Variants in POP1 observed in about 807,000 individuals in gnomAD.
POP1 encodes POP1 ribonuclease P/MRP subunit, also known as ribonucleases P/MRP protein subunit POP1.
POP1 carries 75 observed loss-of-function variants against 102.2 expected under a neutral mutation model. That is an observed-to-expected ratio of 0.73 (90% CI 0.61 to 0.89). The LOEUF (loss-of-function observed/expected upper bound fraction) is 0.89, where lower values mean the gene tolerates loss of function less well. POP1 is among the 40% of genes least tolerant of loss of function. The pLI is 0.00. For synonymous variants in POP1, 436 were observed against 464.1 expected (o/e 0.94, Z 0.78); for missense variants, 1,116 against 1,267.4 (o/e 0.88, Z 1.81).
rs760036761 is a variant in POP1 at position 98,140,795 on chromosome 8, G to A, written c.1501G>A (p.Ala501Thr). The A allele has an allele frequency of 1.9e-6, 3 of 1,614,002 alleles. No individual in the cohort carries two copies. The Admixed American group carries it at 5.0e-5, about 27-fold the overall frequency. The part of the protein sequence containing the change: ...GGITSPAEIP[A>T]GTILGLTVGD... Reference sequence around the variant, plus strand: ...AATAACATCACCAGCAGAAATTCCGGCAGGTACTATTCTGGGACTGACAGT... The same window carrying A: ...AATAACATCACCAGCAGAAATTCCGACAGGTACTATTCTGGGACTGACAGT... Residue 501 changes from alanine to threonine, a missense_variant, in exon 11 of 16, where the codon GCA (alanine) becomes ACA (threonine). Ala to Thr is a moderately conservative substitution (Grantham distance 58). Coordinates refer to ENST00000401707, the MANE Select transcript of POP1 (RefSeq NM_001145860.2).
Position 98,123,143 on chromosome 8 carries a change from C to T in POP1, c.-2-193C>T, listed in dbSNP as rs112742260. ...CAATCTTATCTCATTTTTCATTCTT[C>T]TAACAGACTTTATGTGGTATCAACA... On this transcript the variant is annotated intron_variant, in intron 1 of 15. Transcript: ENST00000401707. Among the ~76,000 whole-genome samples the T allele has an allele frequency of 3.3e-5, 5 of 152,240 alleles. 1 individual carries two copies. The highest frequency in any genetic ancestry group is 1.2e-4 in the African/African-American group (5 of 41,554).
rs564638609 is a variant in POP1 at position 98,133,581 on chromosome 8, A to G, written c.736-368A>G. ...TACCTTAGGTAGACTTTGGGGGTGA[A>G]TGGTTCTCTACTTAGAGGCAACAGT... On this transcript the variant is annotated intron_variant, in intron 5 of 15. Coordinates refer to ENST00000401707, the MANE Select transcript of POP1 (RefSeq NM_001145860.2). 1.2e-4 allele frequency among the ~76,000 whole-genome samples: 18 copies of G among 152,270 alleles called. No individual in the cohort carries two copies. In the East Asian group the frequency reaches 3.5e-3, roughly 29 times the overall value.
chr8:98,118,735 T>C (rs1815923252), intron 1 of POP1, among the ~76,000 whole-genome samples: 1 of 152,192 alleles, frequency 6.6e-6, no homozygotes, highest in African/African-American at 2.4e-5. Context: ...TCATTTTTTT[T>C]CTTTCCCTTG....
At chr8:98,140,669 A>G in intron 10 of POP1, 100 bp from the exon 11 acceptor site, 1 of 1,292,692 alleles carries the variant, frequency 7.7e-7, no homozygotes, top group African/African-American at 1.5e-5. Context: ...TTAGTCCAAG[A>G]AAAACGTTTC....
intron 1 of POP1, among the ~76,000 whole-genome samples, chr8:98,118,875 G>A (rs1815929847): frequency 6.6e-6 from 1 of 152,020 alleles, no homozygotes; most frequent in African/African-American, 2.4e-5. Flanking sequence ...AAAGAATAGT[G>A]GATAGAGTCA....
In POP1 at chr8:98,128,425, A is replaced by G. The variant is rs771377825; in HGVS notation, c.371A>G (p.Gln124Arg). Residue 124 changes from glutamine to arginine, a missense_variant, in exon 4 of 16, where the codon CAG becomes CGG. Physicochemically the swap from Gln to Arg is conservative, Grantham distance 43. Transcript: ENST00000401707. ...EISAMLKAVTQKSSNSLVFQT... is the reference protein window; with the variant it reads ...EISAMLKAVTRKSSNSLVFQT... Reference sequence around the variant, plus strand: ...AGTGCTATGTTAAAAGCTGTGACCCAGAAGTCTTCGAATTCACTGGTTTTT... The same window carrying G: ...AGTGCTATGTTAAAAGCTGTGACCCGGAAGTCTTCGAATTCACTGGTTTTT... 6 of 1,614,012 alleles carry G rather than the reference A, an allele frequency of 3.7e-6. No individual in the cohort carries two copies. The highest frequency in any genetic ancestry group is 5.1e-6 in the Non-Finnish European group (6 of 1,179,994).
At chr8:98,121,038 C>T (rs952237047) in intron 1 of POP1, among the ~76,000 whole-genome samples, 2 of 152,218 alleles carry the variant, frequency 1.3e-5, no homozygotes, top group Non-Finnish European at 2.9e-5. Context: ...TCGCCTTGGC[C>T]TCCCATAGTG....
At position 98,150,413 on chromosome 8, in the gene POP1, T is replaced by C. The variant is rs1809483434; in HGVS notation, c.1903-72T>C. ...AGGGGCGTTTAGGTTGTTTCCATTTTCCCCCATATAAACATTAAGCAATTC... is the reference window on the plus strand; with the variant it reads ...AGGGGCGTTTAGGTTGTTTCCATTTCCCCCCATATAAACATTAAGCAATTC... On this transcript the variant is annotated intron_variant, in intron 13 of 15. Transcript: ENST00000401707. 2.2e-5 allele frequency: 34 copies of C among 1,546,172 alleles called. 1 individual carries two copies. The highest frequency in any genetic ancestry group is 1.6e-4 in the South Asian group (14 of 89,520).
At chr8:98,149,072 T>G in intron 13 of POP1, 66 bp downstream of exon 13, 1 of 1,428,160 alleles carries the variant, frequency 7.0e-7, no homozygotes, top group Non-Finnish European at 9.7e-7. Flanking sequence ...TGCTAAGTAC[T>G]CAAAATGTTC....
At chr8:98,140,051 C>T in intron 9 of POP1, 27 bp from the exon 10 acceptor site, 1 of 1,547,650 alleles carries the variant, frequency 6.5e-7, no homozygotes, top group South Asian at 1.1e-5. Context: ...ATTGTTCGTC[C>T]AGTGAATAGT....
rs773160253 is a variant in POP1 at position 98,149,016 on chromosome 8, T to G, written c.1902+10T>G. 1 of 1,606,030 alleles carries G rather than the reference T, an allele frequency of 6.2e-7. No homozygotes were observed. Reference sequence around the variant, plus strand: ...TTTCTGGATTCCATTTGTAAGTTACTTTTTGATTCTAACAGTTGCAATATT... The same window carrying G: ...TTTCTGGATTCCATTTGTAAGTTACGTTTTGATTCTAACAGTTGCAATATT... On this transcript the variant is annotated intron_variant, in intron 13 of 15. Transcript: ENST00000401707.
chr8:98,141,960 G>A (rs373484424), intron 11 of POP1, among the ~76,000 whole-genome samples: 2 of 152,032 alleles, frequency 1.3e-5, no homozygotes, highest in Admixed American at 1.3e-4. Context: ...TTGGATGAGA[G>A]AGGAGTTTGA....
At position 98,158,392 on chromosome 8, in the gene POP1, A is replaced by C. The variant is rs920479444; in HGVS notation, c.*121A>C. 11 of 1,097,188 alleles carry C rather than the reference A, an allele frequency of 1.0e-5. No individual in the cohort carries two copies. Among genetic ancestry groups the C allele is most frequent in the Admixed American group, 3.6e-5 (2 of 55,596 alleles). The allele number at this position is 1,097,188 out of a possible 1,614,324, so 68.0% of individuals were successfully genotyped here. Reference sequence around the variant, plus strand: ...GTGAAACTCCCTGGAAACAAGAATAAAAAATTATGTATTATGCAGATGATG... The same window carrying C: ...GTGAAACTCCCTGGAAACAAGAATACAAAATTATGTATTATGCAGATGATG... On this transcript the variant is annotated 3_prime_UTR_variant, in exon 16 of 16. Transcript: ENST00000401707.
In POP1 at chr8:98,157,782, C is replaced by G; in HGVS notation, c.2586C>G (p.Ser862=). 6.2e-7 allele frequency: 1 copy of G among 1,614,218 alleles called. No individual in the cohort carries two copies. Among genetic ancestry groups the G allele is most frequent in the Non-Finnish European group, 8.5e-7 (1 of 1,180,038 alleles). Residue 862 remains serine (S), a synonymous_variant, in exon 16 of 16, where the codon TCC becomes TCG. Coordinates refer to ENST00000401707, the MANE Select transcript of POP1 (RefSeq NM_001145860.2). ...FPRALVWVSL[S]LLSKGSPEPH... ...GGGCCCTGGTTTGGGTCAGCCTGTCCCTGCTCAGCAAGGGCAGCCCCGAGC... is the reference window on the plus strand; with the variant it reads ...GGGCCCTGGTTTGGGTCAGCCTGTCGCTGCTCAGCAAGGGCAGCCCCGAGC...
chr8:98,118,927 G>T (rs1185707081), intron 1 of POP1, among the ~76,000 whole-genome samples: 2 of 151,822 alleles, frequency 1.3e-5, no homozygotes, highest in Non-Finnish European at 2.9e-5. Context: ...AAGCTTAGTA[G>T]CCTTGGACTG....
Position 98,136,560 on chromosome 8 carries a change from C to T in POP1, c.1090C>T (p.Pro364Ser), listed in dbSNP as rs1816546802. Residue 364 changes from proline (P) to serine (S), a missense_variant, in exon 8 of 16, where the codon CCA becomes TCA. Coordinates refer to ENST00000401707, the MANE Select transcript of POP1 (RefSeq NM_001145860.2). ...KSAVCIADPL[P>S]TPSQEKSQTE... ...AGCTGTCTGCATCGCTGACCCACTT[C>T]CAACACCATCCCAAGAAAAAAGCCA... is the stretch of plus-strand genomic sequence containing the variant. 1.2e-6 allele frequency: 2 copies of T among 1,613,948 alleles called. No individual in the cohort carries two copies. The highest frequency in any genetic ancestry group is 2.2e-5 in the South Asian group (2 of 91,082).
chr8:98,128,355 C>T lies in POP1; in HGVS notation c.311-10C>T, dbSNP rs1801468633. 1 of 1,613,578 alleles carries T rather than the reference C, an allele frequency of 6.2e-7. No individual in the cohort carries two copies. The highest frequency in any genetic ancestry group is 8.5e-7 in the Non-Finnish European group (1 of 1,179,816). ...TTGGTGTTTAATGACTTTGTCATCT[C>T]CTTCAACAGCTTCTACTTTTGCTCA... is the stretch of plus-strand genomic sequence containing the variant. On this transcript the variant is annotated splice_polypyrimidine_tract_variant and intron_variant, in intron 3 of 15. Transcript: ENST00000401707.
rs1377087409 is a variant in POP1 at position 98,128,383 on chromosome 8, C to G, written c.329C>G (p.Ala110Gly). Residue 110 changes from alanine (A) to glycine (G), a missense_variant, in exon 4 of 16, where the codon GCA (alanine) becomes GGA (glycine). Transcript: ENST00000401707. The stretch of plus-strand genomic sequence containing the variant: ...TCAACAGCTTCTACTTTTGCTCAAG[C>G]ACGAGCTGCTGAAATCAGTGCTATG... ...KYITASTFAQ[A>G]RAAEISAMLK... is the part of the protein sequence containing the mutation. 1.9e-6 allele frequency: 3 copies of G among 1,613,974 alleles called. No homozygotes were observed. The highest frequency in any genetic ancestry group is 2.5e-6 in the Non-Finnish European group (3 of 1,180,024).
At position 98,148,954 on chromosome 8, in the gene POP1, G is replaced by C; in HGVS notation, c.1850G>C (p.Gly617Ala). 1 of 1,613,730 alleles carries C rather than the reference G, an allele frequency of 6.2e-7. No individual in the cohort carries two copies. The highest frequency in any genetic ancestry group is 8.5e-7 in the Non-Finnish European group (1 of 1,179,800). The change falls in exon 13 of 16, where the codon GGC becomes GCC. Residue 617 changes from glycine (G) to alanine (A), a missense_variant. Gly to Ala is a moderately conservative substitution (Grantham distance 60). Coordinates refer to ENST00000401707, the MANE Select transcript of POP1 (RefSeq NM_001145860.2). Reference protein sequence around the residue: ...TGEDRLGWGSGWDVLLPKGWG... With the variant: ...TGEDRLGWGSAWDVLLPKGWG... Reference sequence around the variant, plus strand: ...GAAGATCGACTAGGCTGGGGAAGTGGCTGGGATGTCCTACTCCCAAAGGGC... The same window carrying C: ...GAAGATCGACTAGGCTGGGGAAGTGCCTGGGATGTCCTACTCCCAAAGGGC...
Sources: allele counts gnomAD v4.1 joint callset (sites outside exome capture counted in the v4.1 genomes callset), GRCh38; gene constraint gnomAD v4.1.1; transcripts MANE v1.5; gene names NCBI Gene and HGNC (gene_info 2026-07-23, HGNC 2026-07-21).